The following LAMB2 variants were observed in gnomAD, a reference collection of about 807,000 sequenced individuals.
The protein encoded by LAMB2 is laminin subunit beta 2.
LAMB2 carries 119 observed loss-of-function variants against 202.7 expected under a neutral mutation model. The observed-to-expected ratio is 0.59, with a 90% CI of 0.51 to 0.68. The LOEUF is 0.68. Ranked by LOEUF, LAMB2 falls within the 30% of genes least tolerant of loss-of-function variation. The pLI is 0.00. For synonymous variants in LAMB2, 818 were observed against 902.2 expected, an observed-to-expected ratio of 0.91 and a Z score of 1.67; for missense variants, 2,124 against 2,410.6, an observed-to-expected ratio of 0.88 and a Z score of 2.49.
In LAMB2 at chr3:49,123,160, G is replaced by A. The variant is rs752187552; in HGVS notation, c.4196C>T (p.Thr1399Ile). 1.6e-5 allele frequency: 26 copies of A among 1,613,490 alleles called. No homozygotes were observed. The highest frequency in any genetic ancestry group is 6.7e-5 in the East Asian group (3 of 44,880). Reference sequence around the variant, plus strand: ...CTCATTTATGTCTGTCAGGCTCAGGGTGTGGGTATGGGCAGAGAGCTTGCC... The same window carrying A: ...CTCATTTATGTCTGTCAGGCTCAGGATGTGGGTATGGGCAGAGAGCTTGCC... ...ALGKLSAHTHTLSLTDINELV... is the reference protein window; with the variant it reads ...ALGKLSAHTHILSLTDINELV... The change falls in exon 26 of 32, where the codon ACC (threonine) becomes ATC (isoleucine). Residue 1399 changes from threonine (T) to isoleucine (I), a missense_variant. Around this residue, in one of 3 missense-constraint regions of LAMB2, gnomAD observed 1,702 missense variants for 1,896.3 expected, o/e 0.90. Transcript: ENST00000305544.
chr3:49,125,490 A>C lies in LAMB2; in HGVS notation c.2489-6T>G. ...CTCGTGGCTGCACTGGCAGGCTAGG[A>C]GCAAGGCAGAGCTGAGCCAGAGCCA... is the stretch of plus-strand genomic sequence containing the variant. On this transcript the variant is annotated splice_region_variant and splice_polypyrimidine_tract_variant and intron_variant, in intron 18 of 31. Transcript: ENST00000305544. The C allele has an allele frequency of 6.3e-7, 1 of 1,576,466 alleles. No homozygotes were observed. The highest frequency in any genetic ancestry group is 8.6e-7 in the Non-Finnish European group (1 of 1,161,012).
chr3:49,129,867 G>A lies in LAMB2; in HGVS notation c.1377C>T (p.Leu459=). 1 of 1,613,890 alleles carries A rather than the reference G, an allele frequency of 6.2e-7. No individual in the cohort carries two copies. The change falls in exon 10 of 32, where the codon CTC becomes CTT. Residue 459 remains leucine, a synonymous_variant. Coordinates refer to ENST00000305544, the MANE Select transcript of LAMB2 (RefSeq NM_002292.4). This position sits in a 1 kb window ranked among gnomAD's most constrained non-coding sequence, Gnocchi z 6.1. The part of the protein sequence containing the change: ...CQQCRDGFFG[L]SISDRLGCRR... The stretch of plus-strand genomic sequence containing the variant: ...GGCAGCCCAGACGGTCACTGATGCT[G>A]AGCCCAAAGAAGCCATCACGGCATT...
At chr3:49,124,975 C>G in intron 20 of LAMB2, 31 bp downstream of exon 20, 1 of 1,613,928 alleles carries the variant, frequency 6.2e-7, no homozygotes, top group Non-Finnish European at 8.5e-7. Flanking sequence ...GCCAACTCAC[C>G]CTGATCCCAC....
chr3:49,132,548 G>A lies in LAMB2; in HGVS notation c.192C>T (p.Ala64=). 1.9e-6 allele frequency: 3 copies of A among 1,613,708 alleles called. No homozygotes were observed. Among genetic ancestry groups the A allele is most frequent in the East Asian group, 2.2e-5 (1 of 44,894 alleles). ...GGCCATTCAGGCCACAAGTGGATGA[G>A]GCAGTCAGTCTGTCAGCTCGGCCCA... ...LLVGRADRLT[A]SSTCGLNGPQ... Residue 64 remains alanine, a synonymous_variant, in exon 2 of 32, where the codon GCC becomes GCT. Transcript: ENST00000305544. The surrounding 1 kb of genome is among the most constrained non-coding windows in gnomAD (Gnocchi z 4.6).
Position 49,130,855 on chromosome 3 carries a change from G to A in LAMB2, c.921C>T (p.His307=), listed in dbSNP as rs759482766. 7.4e-6 allele frequency: 12 copies of A among 1,614,078 alleles called. No homozygotes were observed. Among genetic ancestry groups the A allele is most frequent in the South Asian group, 3.3e-5 (3 of 91,094 alleles). ...GAPAHAEGMV[H]GACICKHNTR... is the part of the protein sequence containing the mutation. ...TGTTGTGTTTGCAGATGCAAGCTCC[G>A]TGCACCTATAGAGGTTGGCAGGTAG... is the stretch of plus-strand genomic sequence containing the variant. The change falls in exon 8 of 32, where the codon CAC becomes CAT. Residue 307 remains histidine (H), a synonymous_variant. Coordinates refer to ENST00000305544, the MANE Select transcript of LAMB2 (RefSeq NM_002292.4). The surrounding 1 kb of genome is among the most constrained non-coding windows in gnomAD (Gnocchi z 5.0).
Position 49,121,808 on chromosome 3 carries a change from C to T in LAMB2, c.4976G>A (p.Arg1659Lys). Residue 1659 changes from arginine to lysine, a missense_variant, in exon 30 of 32, where the codon AGG becomes AAG. Coordinates refer to ENST00000305544, the MANE Select transcript of LAMB2 (RefSeq NM_002292.4). ...CAGGAGAGCATCCAACTGCCGAGCCCTTTCACCTGCAGAGCTCAGTGCCCG... is the reference window on the plus strand; with the variant it reads ...CAGGAGAGCATCCAACTGCCGAGCCTTTTCACCTGCAGAGCTCAGTGCCCG... ...AERALSSAGE[R>K]ARQLDALLEA... is the part of the protein sequence containing the mutation. The T allele has an allele frequency of 6.2e-7, 1 of 1,613,290 alleles. No individual in the cohort carries two copies. The highest frequency in any genetic ancestry group is 2.2e-5 in the East Asian group (1 of 44,866).
In LAMB2 at chr3:49,121,863, G is replaced by A. The variant is rs1168920062; in HGVS notation, c.4924-3C>T. 6.8e-6 allele frequency: 11 copies of A among 1,613,102 alleles called. 1 individual carries two copies. The South Asian group carries it at 9.9e-5, about 14-fold the overall frequency. On this transcript the variant is annotated splice_polypyrimidine_tract_variant and splice_region_variant and intron_variant, in intron 29 of 31. Transcript: ENST00000305544. The stretch of plus-strand genomic sequence containing the variant: ...GCACCTGCCATCCTCTCCTGTACCT[G>A]CCATGGGTGAGCCAAAGGTTACACA...
chr3:49,130,862 T>C lies in LAMB2; in HGVS notation c.916-2A>G. On this transcript the variant is annotated splice_acceptor_variant, in intron 7 of 31. Coordinates refer to ENST00000305544, the MANE Select transcript of LAMB2 (RefSeq NM_002292.4). LOFTEE classifies it high-confidence loss of function. The surrounding 1 kb of genome is among the most constrained non-coding windows in gnomAD (Gnocchi z 5.0). ...TTTGCAGATGCAAGCTCCGTGCACC[T>C]ATAGAGGTTGGCAGGTAGGTTGTCA... The C allele has an allele frequency of 6.2e-7, 1 of 1,614,168 alleles. No homozygotes were observed. The highest frequency in any genetic ancestry group is 8.5e-7 in the Non-Finnish European group (1 of 1,180,024).
chr3:49,126,364 C>T lies in LAMB2; in HGVS notation c.2151+1G>A, dbSNP rs1191453549. 6.2e-7 allele frequency: 1 copy of T among 1,614,196 alleles called. No homozygotes were observed. Among genetic ancestry groups the T allele is most frequent in the Admixed American group, 1.7e-5 (1 of 60,024 alleles). On this transcript the variant is annotated splice_donor_variant, in intron 16 of 31. Transcript: ENST00000305544. LOFTEE classifies it high-confidence loss of function. ...GGTGTGGGCAAGAGGAGATTATTCA[C>T]CGAGTCAATGAGCAGGCCAGGTCCA...
In LAMB2 at chr3:49,131,644, T is replaced by C. The variant is rs1335383406; in HGVS notation, c.539A>G (p.Tyr180Cys). 39 of 1,613,580 alleles carry C rather than the reference T, an allele frequency of 2.4e-5. No homozygotes were observed. The highest frequency in any genetic ancestry group is 3.2e-5 in the Non-Finnish European group (38 of 1,179,986). ...RTWHVYRYFS[Y>C]DCGADFPGVP... ...TCCTGGGAAGTCAGCCCCACAGTCA[T>C]AGGAGAAATATCGGTACACATGCCA... The change falls in exon 5 of 32, where the codon TAT becomes TGT. Residue 180 changes from tyrosine (Y) to cysteine (C), a missense_variant. Tyr to Cys is a radical substitution (Grantham distance 194). Around this residue, in one of 3 missense-constraint regions of LAMB2, gnomAD observed 256 missense variants for 356.1 expected, o/e 0.72. Transcript: ENST00000305544. The surrounding 1 kb of genome is among the most constrained non-coding windows in gnomAD (Gnocchi z 5.0).
Position 49,125,032 on chromosome 3 carries a change from A to T in LAMB2, c.2858T>A (p.Val953Glu), listed in dbSNP as rs1159339955. 1.2e-6 allele frequency: 2 copies of T among 1,613,934 alleles called. No homozygotes were observed. Among genetic ancestry groups the T allele is most frequent in the Admixed American group, 3.3e-5 (2 of 60,022 alleles). The stretch of plus-strand genomic sequence containing the variant: ...CGTATAGCCTGCCCGGCAGTGGCAC[A>T]CAATCTGCTGGGAATATTCATCCTG... The part of the protein sequence containing the change: ...CHQDEYSQQI[V>E]CHCRAGYTGL... Residue 953 changes from valine (V) to glutamate (E), a missense_variant, in exon 20 of 32, where the codon GTG (valine) becomes GAG (glutamate). This residue lies in a region of LAMB2 where 1,702 missense variants were observed against 1,896.3 expected (regional missense o/e 0.90). Coordinates refer to ENST00000305544, the MANE Select transcript of LAMB2 (RefSeq NM_002292.4).
At position 49,131,366 on chromosome 3, in the gene LAMB2, G is replaced by T. The variant is rs1464868773; in HGVS notation, c.712+13C>A. On this transcript the variant is annotated intron_variant, in intron 6 of 31. Transcript: ENST00000305544. The surrounding 1 kb of genome is among the most constrained non-coding windows in gnomAD (Gnocchi z 5.0). ...ACACGGACTGTGCCAGACTCAAAGG[G>T]TGGAGCACTCACTCTGAATCCGTGA... 6.2e-7 allele frequency: 1 copy of T among 1,613,522 alleles called. No homozygotes were observed. The highest frequency in any genetic ancestry group is 1.7e-5 in the Admixed American group (1 of 60,018).
At position 49,132,929 on chromosome 3, in the gene LAMB2, G is replaced by T; in HGVS notation, c.-62C>A. 6.8e-7 allele frequency: 1 copy of T among 1,477,356 alleles called. No individual in the cohort carries two copies. Among genetic ancestry groups the T allele is most frequent in the Non-Finnish European group, 9.5e-7 (1 of 1,056,752 alleles). The allele number at this position is 1,477,356 out of a possible 1,614,324, so 91.5% of individuals were successfully genotyped here. A position where few individuals can be genotyped will look rare whatever the true frequency, so the allele number is the denominator to read the frequency against. ...GTCTCGGGCCCGAGCCCTCCTCCTT[G>T]CTTTGGGGTTCCGTGTCAACTCTGC... On this transcript the variant is annotated 5_prime_UTR_variant, in exon 1 of 32. Transcript: ENST00000305544. The surrounding 1 kb of genome is among the most constrained non-coding windows in gnomAD (Gnocchi z 4.6).
chr3:49,124,926 C>G lies in LAMB2; in HGVS notation c.2885-1G>C. ...GGGGCACAAGCTTCACATCGCAGCC[C>G]TGCCCACGGTTAAGAGGAAGCTGTG... is the stretch of plus-strand genomic sequence containing the variant. On this transcript the variant is annotated splice_acceptor_variant, in intron 20 of 31. Coordinates refer to ENST00000305544, the MANE Select transcript of LAMB2 (RefSeq NM_002292.4). LOFTEE classifies it high-confidence loss of function. The G allele has an allele frequency of 6.2e-7, 1 of 1,614,070 alleles. No individual in the cohort carries two copies. The highest frequency in any genetic ancestry group is 8.5e-7 in the Non-Finnish European group (1 of 1,180,038).
Position 49,132,494 on chromosome 3 carries a change from C to T in LAMB2, c.246G>A (p.Leu82=), listed in dbSNP as rs2045492947. ...GPQPYCIVSH[L]QDEKKCFLCD... ...CACACCCTGTCCCCAGCCACACCTG[C>T]AGGTGACTGACGATGCAGTAGGGCT... Residue 82 remains leucine (L), a synonymous_variant, in exon 2 of 32, where the codon CTG becomes CTA. Transcript: ENST00000305544. This position sits in a 1 kb window ranked among gnomAD's most constrained non-coding sequence, Gnocchi z 4.6. The T allele has an allele frequency of 1.2e-6, 2 of 1,614,000 alleles. No individual in the cohort carries two copies. The highest frequency in any genetic ancestry group is 2.2e-5 in the East Asian group (1 of 44,878).
chr3:49,129,199 C>G lies in LAMB2; in HGVS notation c.1598+46G>C. 1 of 1,614,138 alleles carries G rather than the reference C, an allele frequency of 6.2e-7. No individual in the cohort carries two copies. The highest frequency in any genetic ancestry group is 8.5e-7 in the Non-Finnish European group (1 of 1,180,024). ...CTCAAGAAGAACCTTCTCTTCTGCT[C>G]AGGATCTTTCCCCATCCCTTCCCAG... On this transcript the variant is annotated intron_variant, in intron 12 of 31. Transcript: ENST00000305544. The surrounding 1 kb of genome is among the most constrained non-coding windows in gnomAD (Gnocchi z 6.1).
chr3:49,124,100 G>T lies in LAMB2; in HGVS notation c.3425C>A (p.Ala1142Asp), dbSNP rs759061848. 6.2e-7 allele frequency: 1 copy of T among 1,614,108 alleles called. No individual in the cohort carries two copies. Among genetic ancestry groups the T allele is most frequent in the Non-Finnish European group, 8.5e-7 (1 of 1,180,034 alleles). ...HWGDPGLQCH[A>D]CDCDSRGIDT... ...TATTCCACGAGAGTCACAATCACAG[G>T]CTGCAAGAAAGAGCAGAGCACAGAG... The change falls in exon 24 of 32, where the codon GCC (alanine) becomes GAC (aspartate). Residue 1142 changes from alanine to aspartate, a missense_variant and splice_region_variant. Ala to Asp is a moderately radical substitution (Grantham distance 126). Transcript: ENST00000305544.
At position 49,130,772 on chromosome 3, in the gene LAMB2, G is replaced by A. The variant is rs572263570; in HGVS notation, c.1004C>T (p.Pro335Leu). ...GGCATGACTATGGCCGTCCTCAGCC[G>A]GACGCCAGGGCAGGTCACGATAGAA... The part of the protein sequence containing the change: ...QDFYRDLPWR[P>L]AEDGHSHACR... Residue 335 changes from proline (P) to leucine (L), a missense_variant, in exon 8 of 32, where the codon CCG becomes CTG. Around this residue, in one of 3 missense-constraint regions of LAMB2, gnomAD observed 256 missense variants for 356.1 expected, o/e 0.72. Coordinates refer to ENST00000305544, the MANE Select transcript of LAMB2 (RefSeq NM_002292.4). The surrounding 1 kb of genome is among the most constrained non-coding windows in gnomAD (Gnocchi z 5.0). The A allele has an allele frequency of 6.2e-6, 10 of 1,614,146 alleles. No homozygotes were observed. The highest frequency in any genetic ancestry group is 5.3e-5 in the African/African-American group (4 of 75,054).
chr3:49,126,630 G>T, intron 15 of LAMB2, 133 bp from the exon 16 acceptor site: 1 of 1,111,080 alleles, frequency 9.0e-7, no homozygotes, highest in Non-Finnish European at 1.3e-6. Context: ...GCGTTGGGCT[G>T]CGCTAGGCCA....
Sources: gnomAD v4.1 joint callset for allele counts on GRCh38, gnomAD v4.1.1 for gene constraint, gnomAD v4.1.1 regional missense constraint, Gnocchi (gnomAD v3.1) non-coding constraint, MANE v1.5 for transcripts, NCBI Gene and HGNC (gene_info 2026-07-23, HGNC 2026-07-21) for gene names.